CNPY1: variants seen among roughly 807,000 people sequenced by gnomAD.
The protein encoded by CNPY1 is canopy FGF signaling regulator 1.
In CNPY1, 14 loss-of-function variants were observed where a neutral mutation model predicts 14.4. The ratio of observed to expected loss-of-function variants is 0.97; its 90% CI spans 0.64 to 1.52. The LOEUF (loss-of-function observed/expected upper bound fraction) is 1.52, where lower values mean the gene tolerates loss of function less well. CNPY1 is among the 40% of genes most tolerant of loss of function. The pLI, the probability that CNPY1 is intolerant of heterozygous loss-of-function variation, is 0.00. For missense variants in CNPY1, 129 were observed against 131.5 expected (o/e 0.98, Z 0.09); for synonymous variants, 43 against 46.5 (o/e 0.92, Z 0.31).
At chr7:155,512,394 C>T (rs1313346028) in intron 2 of CNPY1, among the ~76,000 whole-genome samples, 1 of 152,206 alleles carries the variant, frequency 6.6e-6, no homozygotes, top group African/African-American at 2.4e-5. Context: ...AACTCTTAAT[C>T]ATACTTCCTA....
intron 2 of CNPY1, among the ~76,000 whole-genome samples, chr7:155,537,702 A>C (rs1211548141): frequency 6.6e-6 from 1 of 152,148 alleles, no homozygotes; most frequent in Non-Finnish European, 1.5e-5. Context: ...CGGGATTACA[A>C]GCATGAGTCA....
intron 2 of CNPY1, among the ~76,000 whole-genome samples, chr7:155,516,095 T>C (rs1032441913): frequency 1.3e-5 from 2 of 152,054 alleles, no homozygotes; most frequent in African/African-American, 4.8e-5. Flanking sequence ...TTGATAGACC[T>C]CAGGGCTAAG....
chr7:155,536,182 AG>A lies in CNPY1; in HGVS notation c.99+9648del, dbSNP rs1157780767. Among the ~76,000 whole-genome samples the A allele has an allele frequency of 6.6e-6, 1 of 152,122 alleles. No individual in the cohort carries two copies. The highest frequency in any genetic ancestry group is 1.5e-5 in the Non-Finnish European group (1 of 68,012). ...AATCCATGGCATGCAGTGGTGAAAC[AG>A]GGACTTGCAGCATTACCTGTGGTTA... is the stretch of plus-strand genomic sequence containing the variant. On this transcript the variant is annotated intron_variant, in intron 2 of 4. Transcript: ENST00000636446. The surrounding 1 kb of genome is among the most constrained non-coding windows in gnomAD (Gnocchi z 4.1).
At chr7:155,537,092 G>A (rs959018529) in intron 2 of CNPY1, among the ~76,000 whole-genome samples, 6 of 152,140 alleles carry the variant, frequency 3.9e-5, no homozygotes, top group Non-Finnish European at 5.9e-5. Flanking sequence ...TAAAGGAGCC[G>A]GGGCTATTTA....
At chr7:155,537,862 A>ATTTTTATTTTAAATTTT (rs1457850328) in intron 2 of CNPY1, among the ~76,000 whole-genome samples, 1 of 152,218 alleles carries the variant, frequency 6.6e-6, no homozygotes, top group African/African-American at 2.4e-5. Flanking sequence ...AAAACCTTCA[A>ATTTTTATTTTAAATTTT]AACTTTATGT....
chr7:155,520,398 CTCTTTT>C (rs1438286356), intron 2 of CNPY1, among the ~76,000 whole-genome samples: 1 of 141,984 alleles, frequency 7.0e-6, no homozygotes, highest in Non-Finnish European at 1.5e-5. Flanking sequence ...CACCAGTTGT[CTCTTTT>C]TCTTTTTCTT....
At chr7:155,508,681 C>T (rs1049558179) in intron 3 of CNPY1, among the ~76,000 whole-genome samples, 4 of 152,204 alleles carry the variant, frequency 2.6e-5, no homozygotes, top group Non-Finnish European at 5.9e-5. Flanking sequence ...CCATAAATTG[C>T]CACAACCCCT....
intron 4 of CNPY1, among the ~76,000 whole-genome samples, chr7:155,503,382 C>A (rs1167080951): frequency 6.6e-6 from 1 of 152,010 alleles, no homozygotes; most frequent in East Asian, 1.9e-4. Context: ...AAAGCAAGGC[C>A]AAGGTATTGT....
rs768741345 is a variant in CNPY1, at chr7:155,503,125, T to G, written c.401-20A>C. ...ACAGATCTGGAAAAAAAAAAAAAAG[T>G]AGATAGCATCATTATCACTTTAGAC... is the stretch of plus-strand genomic sequence containing the variant. On this transcript the variant is annotated intron_variant, in intron 4 of 4. Transcript: ENST00000636446. 8 of 1,555,098 alleles carry G rather than the reference T, an allele frequency of 5.1e-6. No individual in the cohort carries two copies. The highest frequency in any genetic ancestry group is 7.0e-6 in the Non-Finnish European group (8 of 1,145,382).
intron 2 of CNPY1, among the ~76,000 whole-genome samples, chr7:155,534,477 C>T (rs1796999688): frequency 6.6e-6 from 1 of 152,246 alleles, no homozygotes; most frequent in African/African-American, 2.4e-5. Flanking sequence ...GATGCGAACA[C>T]TTGCTCCTCT....
Position 155,533,121 on chromosome 7 carries a change from G to A in CNPY1, c.99+12710C>T, listed in dbSNP as rs116556472. On this transcript the variant is annotated intron_variant, in intron 2 of 4. Coordinates refer to ENST00000636446, the MANE Select transcript of CNPY1 (RefSeq NM_001393663.1). The stretch of plus-strand genomic sequence containing the variant: ...CAGTTAGAGTAACCAAGCATACGCC[G>A]TACAGTGACAACATCTGCGTGGCTC... Among the ~76,000 whole-genome samples the A allele has an allele frequency of 8.7e-4, 133 of 152,278 alleles. 1 individual carries two copies. The highest frequency in any genetic ancestry group is 3.1e-3 in the African/African-American group (127 of 41,538).
chr7:155,515,303 C>T (rs371279825), intron 2 of CNPY1, among the ~76,000 whole-genome samples: 46 of 129,292 alleles, frequency 3.6e-4, no homozygotes, highest in African/African-American at 9.6e-4. Context: ...CGCCCCCCCC[C>T]CCCCCGGCCC....
intron 4 of CNPY1, among the ~76,000 whole-genome samples, chr7:155,504,385 T>C (rs1470777335): frequency 6.6e-6 from 1 of 152,180 alleles, no homozygotes; most frequent in Non-Finnish European, 1.5e-5. Context: ...TATTGGTGAA[T>C]GTTAGAACTT....
rs1474905331 is a variant in CNPY1 at position 155,502,308 on chromosome 7, A to G, written c.*760T>C. On this transcript the variant is annotated 3_prime_UTR_variant, in exon 5 of 5. Coordinates refer to ENST00000636446, the MANE Select transcript of CNPY1 (RefSeq NM_001393663.1). ...AATGTGAGCCAAAAAAAAAACGTTTAGAAGAAAAACAAACAAGCCAGAAGA... is the reference window on the plus strand; with the variant it reads ...AATGTGAGCCAAAAAAAAAACGTTTGGAAGAAAAACAAACAAGCCAGAAGA... The G allele has an allele frequency of 1.3e-5, 2 of 152,090 alleles. No individual in the cohort carries two copies. The highest frequency in any genetic ancestry group is 2.9e-5 in the Non-Finnish European group (2 of 68,014). 9.4% of individuals were successfully genotyped at this position (152,090 alleles called of 1,614,324 possible). A position where few individuals can be genotyped will look rare whatever the true frequency, so the allele number is the denominator to read the frequency against.
Position 155,545,374 on chromosome 7 carries a change from T to C in CNPY1, c.99+457A>G, listed in dbSNP as rs537057252. 1.4e-4 allele frequency among the ~76,000 whole-genome samples: 21 copies of C among 152,346 alleles called. No homozygotes were observed. The East Asian group carries it at 3.7e-3, about 27-fold the overall frequency. On this transcript the variant is annotated intron_variant, in intron 2 of 4. Coordinates refer to ENST00000636446, the MANE Select transcript of CNPY1 (RefSeq NM_001393663.1). ...TCTCTAGGTTGTGCAAGAACGTTTCTTCCTTCTCCATAGCCAACTGTCCGG... is the reference window on the plus strand; with the variant it reads ...TCTCTAGGTTGTGCAAGAACGTTTCCTCCTTCTCCATAGCCAACTGTCCGG...
intron 2 of CNPY1, among the ~76,000 whole-genome samples, chr7:155,529,849 C>T: frequency 6.6e-6 from 1 of 151,518 alleles, no homozygotes; most frequent in East Asian, 1.9e-4. Context: ...GTGGCATGAT[C>T]TCAGCTCACT....
At chr7:155,531,501 C>G (rs548998581) in intron 2 of CNPY1, among the ~76,000 whole-genome samples, 1 of 152,204 alleles carries the variant, frequency 6.6e-6, no homozygotes, top group Non-Finnish European at 1.5e-5. Context: ...CGCCGCCAAG[C>G]CTTCAACCGG....
At chr7:155,527,054 C>CTTTCTTTCTTTCTTTTTTT (rs56296833) in intron 2 of CNPY1, among the ~76,000 whole-genome samples, 2 of 90,346 alleles carry the variant, frequency 2.2e-5, no homozygotes, top group Non-Finnish European at 4.1e-5. Flanking sequence ...TTCTTTCTTT[C>CTTTCTTTCTTTCTTTTTTT]TTTTTTTTTT....
At chr7:155,540,730 T>C (rs1448097565) in intron 2 of CNPY1, among the ~76,000 whole-genome samples, 1 of 152,210 alleles carries the variant, frequency 6.6e-6, no homozygotes, top group Non-Finnish European at 1.5e-5. Context: ...CTTGCCCTGG[T>C]CATCCTGTAT....
Sources: allele counts gnomAD v4.1 joint callset (sites outside exome capture counted in the v4.1 genomes callset), GRCh38; gene constraint gnomAD v4.1.1; non-coding constraint Gnocchi (gnomAD v3.1); transcripts MANE v1.5; gene names NCBI Gene and HGNC (gene_info 2026-07-23, HGNC 2026-07-21).